Variants in SIAH3 observed in about 807,000 individuals in gnomAD.
SIAH3 encodes the protein seven in absentia homolog 3.
SIAH3 carries 9 observed loss-of-function variants against 12.6 expected under a neutral mutation model. That is an observed-to-expected ratio of 0.72 (90% CI 0.43 to 1.25). The LOEUF is 1.25. SIAH3 is among the 50% of genes most tolerant of loss of function. The pLI is 0.00. For missense variants in SIAH3, 390 were observed against 365.4 expected (o/e 1.07, Z -0.55); for synonymous variants, 154 against 151.1 (o/e 1.02, Z -0.14).
At chr13:45,833,050 T>TG (rs928853943) in intron 1 of SIAH3, among the ~76,000 whole-genome samples, 3 of 151,782 alleles carry the variant, frequency 2.0e-5, no homozygotes, top group African/African-American at 7.3e-5. Flanking sequence ...GAGACAGAGG[T>TG]GGGGGGAAAC....
chr13:45,829,675 C>T (rs1232591179), intron 1 of SIAH3, among the ~76,000 whole-genome samples: 3 of 152,138 alleles, frequency 2.0e-5, no homozygotes, highest in Admixed American at 6.5e-5. Context: ...CAGACCTGCG[C>T]TCCCGCCCCC....
intron 1 of SIAH3, among the ~76,000 whole-genome samples, chr13:45,787,844 A>T (rs1362394351): frequency 6.6e-6 from 1 of 152,212 alleles, no homozygotes; most frequent in East Asian, 1.9e-4. Context: ...TACGCCCAGC[A>T]GCACAGCCTG....
intron 1 of SIAH3, among the ~76,000 whole-genome samples, chr13:45,794,329 A>C (rs1293087151): frequency 6.6e-6 from 1 of 151,960 alleles, no homozygotes; most frequent in Non-Finnish European, 1.5e-5. Context: ...ATGATTATCA[A>C]CTCCATACCC....
At chr13:45,823,219 G>A (rs76956948) in intron 1 of SIAH3, among the ~76,000 whole-genome samples, 4,965 of 152,226 alleles carry the variant, frequency 0.033, 296 homozygotes, top group African/African-American at 0.11. Context: ...CCTGGGGAGC[G>A]TTTAACGAAG....
At chr13:45,824,975 G>A (rs980309947) in intron 1 of SIAH3, among the ~76,000 whole-genome samples, 9 of 151,058 alleles carry the variant, frequency 6.0e-5, no homozygotes, top group African/African-American at 2.2e-4. Context: ...GAACCAAGGC[G>A]TGTGCTAATG....
chr13:45,817,514 A>T (rs1192713129), intron 1 of SIAH3, among the ~76,000 whole-genome samples: 1 of 152,206 alleles, frequency 6.6e-6, no homozygotes, highest in Non-Finnish European at 1.5e-5. Context: ...AGATGTGGAG[A>T]TATCCTGGAT....
At chr13:45,797,247 G>C (rs902085707) in intron 1 of SIAH3, among the ~76,000 whole-genome samples, 1 of 151,720 alleles carries the variant, frequency 6.6e-6, no homozygotes, top group Admixed American at 6.6e-5. Context: ...TTCTACAAGA[G>C]TGCCATGCTC....
intron 1 of SIAH3, among the ~76,000 whole-genome samples, chr13:45,789,325 G>A (rs1049795556): frequency 7.2e-5 from 11 of 151,796 alleles, no homozygotes; most frequent in African/African-American, 1.7e-4. Flanking sequence ...TTTAGTATAC[G>A]GAATGTGATA....
intron 1 of SIAH3, among the ~76,000 whole-genome samples, chr13:45,811,525 T>C (rs1241341086): frequency 6.6e-6 from 1 of 152,210 alleles, no homozygotes; most frequent in East Asian, 1.9e-4. Flanking sequence ...TGCCGTGGTA[T>C]GATCAAGGCT....
chr13:45,797,131 A>G (rs1337306701), intron 1 of SIAH3, among the ~76,000 whole-genome samples: 1 of 142,942 alleles, frequency 7.0e-6, no homozygotes, highest in Non-Finnish European at 1.5e-5. Context: ...CGCAATTCAA[A>G]TCGTCTCTAT....
At chr13:45,828,497 A>G (rs1950686832) in intron 1 of SIAH3, among the ~76,000 whole-genome samples, 2 of 152,214 alleles carry the variant, frequency 1.3e-5, no homozygotes. Flanking sequence ...GGGAACAGCA[A>G]AATTTAACCA....
chr13:45,826,764 G>A (rs1447421672), intron 1 of SIAH3, among the ~76,000 whole-genome samples: 3 of 152,138 alleles, frequency 2.0e-5, no homozygotes, highest in African/African-American at 7.2e-5. Flanking sequence ...TAAACTCTAC[G>A]TGTGAGTTGT....
rs1246796406 is a variant in SIAH3 at position 45,779,742 on chromosome 13, A to C, written c.*3641T>G. The stretch of plus-strand genomic sequence containing the variant: ...ACGCAGCCTACTGGATCATATAGAA[A>C]AGCCTCAATAAGTGGTAGCCATGAG... On this transcript the variant is annotated 3_prime_UTR_variant, in exon 2 of 2. Coordinates refer to ENST00000400405, the MANE Select transcript of SIAH3 (RefSeq NM_198849.3). The C allele has an allele frequency of 6.6e-6, 1 of 152,244 alleles. No individual in the cohort carries two copies. Among genetic ancestry groups the C allele is most frequent in the African/African-American group, 2.4e-5 (1 of 41,460 alleles). The allele number at this position is 152,244 out of a possible 1,614,324, so 9.4% of individuals were successfully genotyped here. A position where few individuals can be genotyped will look rare whatever the true frequency, so the allele number is the denominator to read the frequency against.
chr13:45,811,030 G>T (rs545068356), intron 1 of SIAH3, among the ~76,000 whole-genome samples: 1 of 152,192 alleles, frequency 6.6e-6, no homozygotes, highest in Non-Finnish European at 1.5e-5. Context: ...AATGAGCTTT[G>T]GAACCCTAAG....
intron 1 of SIAH3, among the ~76,000 whole-genome samples, chr13:45,821,083 C>T (rs1950654116): frequency 6.6e-6 from 1 of 152,152 alleles, no homozygotes; most frequent in African/African-American, 2.4e-5. Flanking sequence ...GCAGACGTGA[C>T]CTTATTTGAA....
At chr13:45,847,260 A>G (rs1950763491) in intron 1 of SIAH3, among the ~76,000 whole-genome samples, 1 of 152,166 alleles carries the variant, frequency 6.6e-6, no homozygotes, top group African/African-American at 2.4e-5. Flanking sequence ...TCCAAAGGCC[A>G]CCTCTAAATC....
chr13:45,839,442 G>A (rs554335051), intron 1 of SIAH3, among the ~76,000 whole-genome samples: 3 of 152,122 alleles, frequency 2.0e-5, no homozygotes, highest in Non-Finnish European at 2.9e-5. Flanking sequence ...AAAAAAACAT[G>A]GTCATAGAGC....
At chr13:45,798,129 G>A (rs755118794) in intron 1 of SIAH3, among the ~76,000 whole-genome samples, 4 of 152,144 alleles carry the variant, frequency 2.6e-5, no homozygotes, top group African/African-American at 7.2e-5. Context: ...GGAGAGCTTC[G>A]CTTTAATTAA....
chr13:45,829,725 G>A (rs1950691666), intron 1 of SIAH3, among the ~76,000 whole-genome samples: 1 of 152,164 alleles, frequency 6.6e-6, no homozygotes, highest in African/African-American at 2.4e-5. Flanking sequence ...CCATCAATTA[G>A]TTTGAGGCAA....
Sources: allele counts gnomAD v4.1 joint callset (sites outside exome capture counted in the v4.1 genomes callset), GRCh38; gene constraint gnomAD v4.1.1; transcripts MANE v1.5; gene names NCBI Gene and HGNC (gene_info 2026-07-23, HGNC 2026-07-21).